Variants in SLC43A2 observed in about 807,000 individuals in gnomAD.
SLC43A2 encodes the protein large neutral amino acids transporter small subunit 4.
Under a neutral mutation model 63.2 loss-of-function variants are expected in SLC43A2, and 38 were observed. That is an observed-to-expected ratio of 0.60 (90% CI 0.46 to 0.79). SLC43A2 has a LOEUF of 0.79. Among genes scored for constraint, SLC43A2 ranks in the 30% least tolerant of loss-of-function variants. The pLI is 0.00. For synonymous variants in SLC43A2, 322 were observed against 331.0 expected, an observed-to-expected ratio of 0.97 and a Z score of 0.30; for missense variants, 644 against 756.2, an observed-to-expected ratio of 0.85 and a Z score of 1.74.
rs369326504 is a variant in SLC43A2 at position 1,627,691 on chromosome 17, C to T, written c.160+24G>A. On this transcript the variant is annotated intron_variant, in intron 2 of 13. Coordinates refer to ENST00000301335, the MANE Select transcript of SLC43A2 (RefSeq NM_152346.3). ...CAAAGCCCCAGCTCCAGGAGCCCCC[C>T]GCAACCCCAGGCGCTTGTCTCACCT... 5.8e-5 allele frequency: 87 copies of T among 1,498,252 alleles called. 1 individual carries two copies. The African/African-American group carries it at 1.1e-3, about 20-fold the overall frequency. 92.8% of individuals were successfully genotyped at this position (1,498,252 alleles called of 1,614,324 possible). A position where few individuals can be genotyped will look rare whatever the true frequency, so the allele number is the denominator to read the frequency against.
At chr17:1,599,695 C>T (rs560774638) in intron 5 of SLC43A2, among the ~76,000 whole-genome samples, 5 of 151,484 alleles carry the variant, frequency 3.3e-5, no homozygotes, top group Admixed American at 1.3e-4. Context: ...AGTTAGACTC[C>T]GTCTCAAAAA....
intron 5 of SLC43A2, among the ~76,000 whole-genome samples, chr17:1,610,670 G>T (rs1907008225): frequency 6.6e-6 from 1 of 150,410 alleles, no homozygotes; most frequent in South Asian, 2.1e-4. Flanking sequence ...TTGAGCCCAG[G>T]AGTTTGAGAC....
At chr17:1,582,994 G>A (rs911433574) in intron 11 of SLC43A2, among the ~76,000 whole-genome samples, 6 of 152,096 alleles carry the variant, frequency 3.9e-5, no homozygotes, top group African/African-American at 1.2e-4. Flanking sequence ...CAGGAGAATC[G>A]CTTGAACCCA....
At chr17:1,627,324 C>T (rs1224686177) in intron 2 of SLC43A2, among the ~76,000 whole-genome samples, 1 of 152,164 alleles carries the variant, frequency 6.6e-6, no homozygotes, top group Non-Finnish European at 1.5e-5. Flanking sequence ...GCCCCTTAAT[C>T]TGGAGTTCCT....
intron 2 of SLC43A2, among the ~76,000 whole-genome samples, chr17:1,625,106 G>T (rs530455460): frequency 1.3e-5 from 2 of 152,298 alleles, no homozygotes; most frequent in South Asian, 4.1e-4. Flanking sequence ...CTCACCAGGG[G>T]GACGAGGGAG....
intron 5 of SLC43A2, among the ~76,000 whole-genome samples, chr17:1,597,044 G>C (rs1277642095): frequency 6.6e-6 from 1 of 151,538 alleles, no homozygotes; most frequent in Non-Finnish European, 1.5e-5. Flanking sequence ...GTGAGACCCC[G>C]TCTCTACCAA....
intron 5 of SLC43A2, among the ~76,000 whole-genome samples, chr17:1,599,236 A>AG (rs1178120802): frequency 6.6e-6 from 1 of 152,016 alleles, no homozygotes; most frequent in Non-Finnish European, 1.5e-5. Context: ...GGTACTTGGG[A>AG]GGCTGAAGCA....
intron 2 of SLC43A2, among the ~76,000 whole-genome samples, chr17:1,623,412 T>C (rs962530214): frequency 6.6e-6 from 1 of 152,178 alleles, no homozygotes; most frequent in Admixed American, 6.5e-5. Flanking sequence ...GAGGCCGTGA[T>C]GACTTCTGGT....
intron 5 of SLC43A2, among the ~76,000 whole-genome samples, chr17:1,594,662 A>G (rs1451996679): frequency 1.4e-4 from 19 of 136,588 alleles, no homozygotes; most frequent in Admixed American, 4.6e-4. Flanking sequence ...ATCTCGGCTC[A>G]CTGCAAGCTC....
intron 11 of SLC43A2, among the ~76,000 whole-genome samples, chr17:1,581,202 C>CCCCCCACACACACA (rs1555536161): frequency 2.0e-5 from 3 of 148,364 alleles, no homozygotes; most frequent in Non-Finnish European, 4.5e-5. Context: ...TGCCCAGTGC[C>CCCCCCACACACACA]CACACACACA....
At chr17:1,613,405 C>A in intron 4 of SLC43A2, 134 bp from the exon 5 acceptor site, 1 of 702,710 alleles carries the variant, frequency 1.4e-6, no homozygotes, top group African/African-American at 1.8e-5. Flanking sequence ...TACCTGACAT[C>A]TGGGGAGTGG....
intron 5 of SLC43A2, among the ~76,000 whole-genome samples, chr17:1,610,071 G>A (rs560827195): frequency 8.6e-5 from 13 of 151,414 alleles, no homozygotes; most frequent in Admixed American, 3.3e-4. Context: ...CACCATGCCC[G>A]AGTAATATTT....
intron 11 of SLC43A2, among the ~76,000 whole-genome samples, chr17:1,580,728 A>ATTT (rs11321695): frequency 7.9e-6 from 1 of 126,424 alleles, no homozygotes; most frequent in African/African-American, 3.0e-5. Context: ...GGCCCGGCTA[A>ATTT]TTTTTTTTTT....
intron 2 of SLC43A2, among the ~76,000 whole-genome samples, chr17:1,620,779 C>A (rs1408001803): frequency 6.6e-6 from 1 of 152,112 alleles, no homozygotes; most frequent in African/African-American, 2.4e-5. Flanking sequence ...GATGCCCAAA[C>A]AGACACACCC....
At chr17:1,621,263 G>A (rs1224339744) in intron 2 of SLC43A2, among the ~76,000 whole-genome samples, 1 of 152,190 alleles carries the variant, frequency 6.6e-6, no homozygotes, top group African/African-American at 2.4e-5. Flanking sequence ...GGGAGACAAA[G>A]GGAGGGGGGC....
upstream of SLC43A2, among the ~76,000 whole-genome samples, chr17:1,629,104 G>C (rs995372387): frequency 1.3e-5 from 2 of 152,000 alleles, no homozygotes; most frequent in East Asian, 3.9e-4. Context: ...CGGCGACATC[G>C]CCCCGCGGCC....
chr17:1,618,444 CGTG>C (rs1907872608), intron 2 of SLC43A2, among the ~76,000 whole-genome samples: 1 of 152,210 alleles, frequency 6.6e-6, no homozygotes, highest in African/African-American at 2.4e-5. Context: ...CTGCTGTTCT[CGTG>C]GTTATCATGA....
chr17:1,585,579 G>A (rs566095572), intron 10 of SLC43A2: 11 of 946,682 alleles, frequency 1.2e-5, no homozygotes, highest in Middle Eastern at 8.4e-4. Context: ...CGGGGAGTGG[G>A]GGCTGGCCAT....
At chr17:1,576,055 G>A (rs915660464) in intron 13 of SLC43A2, among the ~76,000 whole-genome samples, 5 of 151,866 alleles carry the variant, frequency 3.3e-5, no homozygotes, top group African/African-American at 1.2e-4. Context: ...GAGGTGGGGC[G>A]GGGACAGGAA....
Sources: allele counts gnomAD v4.1 joint callset (sites outside exome capture counted in the v4.1 genomes callset), GRCh38; gene constraint gnomAD v4.1.1; transcripts MANE v1.5; gene names NCBI Gene and HGNC (gene_info 2026-07-23, HGNC 2026-07-21).